Variants in ACOT12 observed in about 807,000 individuals in gnomAD.
ACOT12 encodes the protein acyl-CoA thioesterase 12, also known as acetyl-coenzyme A thioesterase.
A neutral mutation model predicts 67.7 loss-of-function variants in ACOT12; 51 were observed. The ratio of observed to expected loss-of-function variants is 0.75; its 90% confidence interval spans 0.60 to 0.95. The LOEUF is 0.95. Ranked by LOEUF, ACOT12 falls within the 40% of genes least tolerant of loss-of-function variation. The pLI, the probability that ACOT12 is intolerant of heterozygous loss-of-function variation, is 0.00. For missense variants in ACOT12, 734 were observed against 708.1 expected, an observed-to-expected ratio of 1.04 and a Z score of -0.41; for synonymous variants, 251 against 244.6, an observed-to-expected ratio of 1.03 and a Z score of -0.24.
downstream of ACOT12, among the ~76,000 whole-genome samples, chr5:81,326,670 C>T (rs1295645525): frequency 6.6e-6 from 1 of 152,198 alleles, no homozygotes; most frequent in Non-Finnish European, 1.5e-5. Flanking sequence ...ACTTTTTGAG[C>T]AAGTAGCGAG....
intron 11 of ACOT12, among the ~76,000 whole-genome samples, chr5:81,341,683 C>T (rs750359162): frequency 6.6e-6 from 1 of 152,104 alleles, no homozygotes; most frequent in Non-Finnish European, 1.5e-5. Flanking sequence ...CCTCAGGGAG[C>T]TTACAGTCTA....
intron 4 of ACOT12, among the ~76,000 whole-genome samples, chr5:81,361,273 T>C (rs1035750642): frequency 4.0e-5 from 6 of 151,140 alleles, no homozygotes; most frequent in Non-Finnish European, 7.4e-5. Flanking sequence ...AGCACAGTGG[T>C]GTAATCATAG....
At chr5:81,348,077 T>C in intron 5 of ACOT12, 147 bp from the exon 6 acceptor site, 1 of 795,670 alleles carries the variant, frequency 1.3e-6, no homozygotes, top group Non-Finnish European at 1.9e-6. Context: ...AATTGACAGG[T>C]TCTACAGAGT....
At chr5:81,364,928 T>C (rs748148380) in intron 3 of ACOT12, among the ~76,000 whole-genome samples, 1 of 152,174 alleles carries the variant, frequency 6.6e-6, no homozygotes, top group Admixed American at 6.5e-5. Context: ...CAGAGTTTCA[T>C]AACCAAGCTA....
At chr5:81,340,070 C>G (rs1258519587) in intron 11 of ACOT12, among the ~76,000 whole-genome samples, 2 of 151,248 alleles carry the variant, frequency 1.3e-5, no homozygotes. Flanking sequence ...TAGGGTCTCA[C>G]TCTGTTGCCC....
chr5:81,344,761 C>T (rs1381739344), intron 8 of ACOT12, 130 bp downstream of exon 8: 3 of 1,197,764 alleles, frequency 2.5e-6, no homozygotes, highest in Non-Finnish European at 2.4e-6. Context: ...GCCCACTTCA[C>T]TTTGTGATGC....
rs10371 is a variant in ACOT12, at chr5:81,335,823, C to T, written c.1207G>A (p.Ala403Thr). 0.15 allele frequency: 246,608 copies of T among 1,612,838 alleles called. 19,691 individuals are homozygous for T. The highest frequency in any genetic ancestry group is 0.23 in the Middle Eastern group (1,421 of 6,056). ...EKHVGSPAHLAYRLLSDFTKR... is the reference protein window; with the variant it reads ...EKHVGSPAHLTYRLLSDFTKR... ...GTAAAGTCAGACAAGAGACGATAAGCCAAATGTGCTGGACTTCCCACGTGC... is the reference window on the plus strand; with the variant it reads ...GTAAAGTCAGACAAGAGACGATAAGTCAAATGTGCTGGACTTCCCACGTGC... The change falls in exon 12 of 15, where the codon GCT (alanine) becomes ACT (threonine). Residue 403 changes from alanine to threonine, a missense_variant. Coordinates refer to ENST00000307624, the MANE Select transcript of ACOT12 (RefSeq NM_130767.3).
chr5:81,376,765 T>C (rs989112558), intron 2 of ACOT12, among the ~76,000 whole-genome samples: 4 of 152,042 alleles, frequency 2.6e-5, no homozygotes, highest in African/African-American at 9.7e-5. Flanking sequence ...CCTGGACACA[T>C]AAACCCTCCC....
At chr5:81,383,966 C>T (rs1197058916) in intron 2 of ACOT12, among the ~76,000 whole-genome samples, 1 of 151,578 alleles carries the variant, frequency 6.6e-6, no homozygotes, top group Non-Finnish European at 1.5e-5. Context: ...TTGGTGTAGC[C>T]TAAGTGTGTG....
intron 1 of ACOT12, 30 bp downstream of exon 1, chr5:81,393,958 C>T (rs977621206): frequency 5.3e-6 from 7 of 1,310,770 alleles, no homozygotes; most frequent in Non-Finnish European, 6.8e-6. Context: ...CCCGGTCCCG[C>T]GCCTCCCCGC....
intron 5 of ACOT12, among the ~76,000 whole-genome samples, chr5:81,359,365 C>G (rs1330266678): frequency 6.6e-6 from 1 of 152,236 alleles, no homozygotes; most frequent in African/African-American, 2.4e-5. Context: ...CAGGAAATCA[C>G]TGCCAGAGAA....
chr5:81,350,391 C>A (rs1047501571), intron 5 of ACOT12, among the ~76,000 whole-genome samples: 1 of 152,058 alleles, frequency 6.6e-6, no homozygotes, highest in Non-Finnish European at 1.5e-5. Flanking sequence ...TCTTTTATTT[C>A]TTAAAACATA....
At chr5:81,327,690 C>G (rs1254624072), downstream of ACOT12, among the ~76,000 whole-genome samples, 1 of 152,226 alleles carries the variant, frequency 6.6e-6, no homozygotes, top group African/African-American at 2.4e-5. Context: ...ATCCACCCGC[C>G]TTGGCCTCCC....
chr5:81,377,248 G>T (rs1256360718), intron 2 of ACOT12, among the ~76,000 whole-genome samples: 2 of 151,996 alleles, frequency 1.3e-5, no homozygotes, highest in African/African-American at 2.4e-5. Flanking sequence ...CCACATAATT[G>T]TCTCAATACA....
chr5:81,382,717 G>A (rs1200461278), intron 2 of ACOT12, among the ~76,000 whole-genome samples: 4 of 151,808 alleles, frequency 2.6e-5, no homozygotes, highest in African/African-American at 9.7e-5. Context: ...CAGGAGAATC[G>A]CTTGAACCTG....
chr5:81,323,879 T>C, the ACOT12 span, among the ~76,000 whole-genome samples: 6 of 142,814 alleles, frequency 4.2e-5, no homozygotes, highest in African/African-American at 1.5e-4. Flanking sequence ...TATATGTGTA[T>C]ATATGTATAC....
chr5:81,344,729 G>A (rs1359663732), intron 8 of ACOT12, among the ~76,000 whole-genome samples, 162 bp downstream of exon 8: 1 of 152,062 alleles, frequency 6.6e-6, no homozygotes, highest in Non-Finnish European at 1.5e-5. Context: ...AGAGTGATCG[G>A]GGGGAAAAGG....
chr5:81,344,139 A>G, intron 9 of ACOT12, 21 bp downstream of exon 9: 1 of 1,611,728 alleles, frequency 6.2e-7, no homozygotes. Flanking sequence ...CCATAAAATC[A>G]TTACACCTTA....
At chr5:81,357,568 C>A (rs895080191) in intron 5 of ACOT12, among the ~76,000 whole-genome samples, 1 of 152,102 alleles carries the variant, frequency 6.6e-6, no homozygotes, top group Admixed American at 6.6e-5. Flanking sequence ...TCACCCTCTT[C>A]CTGGTGGGCA....
Sources: gnomAD v4.1 joint callset for allele counts (sites outside exome capture counted in the v4.1 genomes callset) on GRCh38, gnomAD v4.1.1 for gene constraint, MANE v1.5 for transcripts, NCBI Gene and HGNC (gene_info 2026-07-23, HGNC 2026-07-21) for gene names.